The following TFAP2D variants were observed in gnomAD, a reference collection of about 807,000 sequenced individuals.
TFAP2D encodes transcription factor AP-2 delta.
A neutral mutation model predicts 43.6 loss-of-function variants in TFAP2D; 9 were observed. That is an observed-to-expected ratio of 0.21 (90% confidence interval 0.12 to 0.36). The LOEUF is 0.36. Among genes scored for constraint, TFAP2D ranks in the 10% least tolerant of loss-of-function variants. The pLI, the probability that TFAP2D is intolerant of heterozygous loss-of-function variation, is 1.00. For synonymous variants in TFAP2D, 256 were observed against 224.9 expected, an observed-to-expected ratio of 1.14 and a Z score of -1.24; for missense variants, 513 against 561.4, an observed-to-expected ratio of 0.91 and a Z score of 0.87.
intron 7 of TFAP2D, among the ~76,000 whole-genome samples, chr6:50,754,333 T>C (rs899456884): frequency 1.4e-5 from 2 of 147,226 alleles, no homozygotes; most frequent in Non-Finnish European, 2.9e-5. Context: ...ACAATATTTC[T>C]GTGTGTGTGT....
chr6:50,727,273 T>C (rs1278755004), intron 3 of TFAP2D, among the ~76,000 whole-genome samples: 4 of 152,330 alleles, frequency 2.6e-5, no homozygotes, highest in Non-Finnish European at 4.4e-5. Context: ...AGAAATGTTT[T>C]AAGAGTGGGG....
intron 7 of TFAP2D, among the ~76,000 whole-genome samples, chr6:50,757,778 T>A (rs9473907): frequency 0.16 from 12,107 of 77,138 alleles, 1,416 homozygotes; most frequent in African/African-American, 0.31. Context: ...ATATATATAA[T>A]TATTCTATAT....
intron 3 of TFAP2D, among the ~76,000 whole-genome samples, chr6:50,726,740 AT>A (rs985325982): frequency 1.3e-5 from 2 of 151,908 alleles, no homozygotes; most frequent in South Asian, 2.1e-4. Flanking sequence ...GTCATTTAAG[AT>A]TTTTTTTTGA....
chr6:50,735,496 C>T (rs1454747650), intron 5 of TFAP2D, among the ~76,000 whole-genome samples: 1 of 152,102 alleles, frequency 6.6e-6, no homozygotes, highest in East Asian at 1.9e-4. Flanking sequence ...TTTTTAAAAC[C>T]TGATGAACCT....
chr6:50,739,419 G>T (rs1005949302), intron 5 of TFAP2D, among the ~76,000 whole-genome samples: 5 of 152,108 alleles, frequency 3.3e-5, no homozygotes, highest in Non-Finnish European at 5.9e-5. Context: ...TTTTATGGCT[G>T]CATAGTATTC....
chr6:50,765,225 C>A (rs1450411304), intron 7 of TFAP2D, among the ~76,000 whole-genome samples: 1 of 152,126 alleles, frequency 6.6e-6, no homozygotes, highest in African/African-American at 2.4e-5. Context: ...TAATGTCTTC[C>A]AGATTCATTC....
At chr6:50,757,462 T>A (rs6922380) in intron 7 of TFAP2D, among the ~76,000 whole-genome samples, 3 of 106,528 alleles carry the variant, frequency 2.8e-5, no homozygotes, top group African/African-American at 8.2e-5. Flanking sequence ...TATATATATA[T>A]AATATATATA....
chr6:50,754,482 T>G (rs1346040691), intron 7 of TFAP2D, among the ~76,000 whole-genome samples: 2 of 151,930 alleles, frequency 1.3e-5, no homozygotes, highest in Non-Finnish European at 2.9e-5. Context: ...TGAAAATATC[T>G]CTTCAAAATC....
intron 7 of TFAP2D, among the ~76,000 whole-genome samples, chr6:50,758,739 G>C (rs1329551876): frequency 6.6e-6 from 1 of 151,942 alleles, no homozygotes; most frequent in Non-Finnish European, 1.5e-5. Context: ...AAAGTGGCTG[G>C]GAAGGTCATC....
intron 7 of TFAP2D, among the ~76,000 whole-genome samples, chr6:50,755,502 C>A (rs73737650): frequency 1.3e-5 from 2 of 150,806 alleles, no homozygotes; most frequent in African/African-American, 4.9e-5. Context: ...AGTTCTAGGG[C>A]TGGACTCAGG....
chr6:50,768,334 T>C (rs202068548), intron 7 of TFAP2D, among the ~76,000 whole-genome samples: 20 of 68,380 alleles, frequency 2.9e-4, no homozygotes, highest in African/African-American at 1.0e-3. Context: ...TTTCTCTCCC[T>C]TTTTTTTTTT....
intron 5 of TFAP2D, among the ~76,000 whole-genome samples, chr6:50,739,987 C>T (rs1769015142): frequency 6.6e-6 from 1 of 152,184 alleles, no homozygotes; most frequent in African/African-American, 2.4e-5. Context: ...GCATTCCTTT[C>T]CGAAGAGTCT....
chr6:50,716,912 C>A (rs1227244478), intron 2 of TFAP2D, among the ~76,000 whole-genome samples: 1 of 152,344 alleles, frequency 6.6e-6, no homozygotes, highest in African/African-American at 2.4e-5. Context: ...AAAGCCCTTA[C>A]AGTCCCAACA....
At chr6:50,744,976 C>A (rs1581770369) in intron 5 of TFAP2D, 131 bp from the exon 6 acceptor site, 17 of 1,164,610 alleles carry the variant, frequency 1.5e-5, no homozygotes, top group South Asian at 5.5e-5. Context: ...GGTCTTTTTT[C>A]TTGAATAGTT....
At chr6:50,755,429 T>A (rs1487488395) in intron 7 of TFAP2D, among the ~76,000 whole-genome samples, 4 of 141,444 alleles carry the variant, frequency 2.8e-5, no homozygotes, top group Admixed American at 7.0e-5. Flanking sequence ...CTTGAAACTG[T>A]AAAAAAAAAA....
At chr6:50,719,445 GAGAGAAAGAA>G in intron 3 of TFAP2D, among the ~76,000 whole-genome samples, 1 of 143,304 alleles carries the variant, frequency 7.0e-6, no homozygotes, top group African/African-American at 2.6e-5. Flanking sequence ...GAAAAAGACA[GAGAGAAAGAA>G]AGAAAGAAAG....
At chr6:50,719,498 A>T (rs1014943181) in intron 3 of TFAP2D, among the ~76,000 whole-genome samples, 1 of 134,872 alleles carries the variant, frequency 7.4e-6, no homozygotes, top group African/African-American at 2.7e-5. Flanking sequence ...AGAAAGAAAG[A>T]AAGAAGTTTC....
At chr6:50,767,026 C>A (rs1769454761) in intron 7 of TFAP2D, among the ~76,000 whole-genome samples, 1 of 152,136 alleles carries the variant, frequency 6.6e-6, no homozygotes, top group Non-Finnish European at 1.5e-5. Flanking sequence ...CTTAGAAATG[C>A]AACTGATTTT....
At chr6:50,722,523 C>G (rs922266913) in intron 3 of TFAP2D, among the ~76,000 whole-genome samples, 1 of 151,850 alleles carries the variant, frequency 6.6e-6, no homozygotes, top group African/African-American at 2.4e-5. Context: ...TTTTTTCCCC[C>G]CTGAATCTTC....
Sources: allele counts gnomAD v4.1 joint callset (sites outside exome capture counted in the v4.1 genomes callset), GRCh38; gene constraint gnomAD v4.1.1; transcripts MANE v1.5; gene names NCBI Gene and HGNC (gene_info 2026-07-23, HGNC 2026-07-21).